The following EXD1 variants were observed in gnomAD, a reference collection of about 807,000 sequenced individuals.
EXD1 encodes the protein exonuclease 3'-5' domain containing 1.
EXD1 carries 63 observed loss-of-function variants against 49.1 expected under a neutral mutation model. The observed-to-expected ratio is 1.28, with a 90% CI of 1.05 to 1.58. The LOEUF (loss-of-function observed/expected upper bound fraction) is 1.58, where lower values mean the gene tolerates loss of function less well. Ranked by LOEUF, EXD1 falls within the 40% of genes most tolerant of loss-of-function variation. The pLI, the probability that EXD1 is intolerant of heterozygous loss-of-function variation, is 0.00. For missense variants in EXD1, 748 were observed against 666.0 expected, an observed-to-expected ratio of 1.12 and a Z score of -1.36; for synonymous variants, 234 against 239.2, an observed-to-expected ratio of 0.98 and a Z score of 0.20.
At chr15:41,190,868 G>A (rs994037242) in intron 10 of EXD1, among the ~76,000 whole-genome samples, 12 of 151,632 alleles carry the variant, frequency 7.9e-5, no homozygotes, top group African/African-American at 2.9e-4. Context: ...CCTTGTCCCA[G>A]CTAGAAAATT....
chr15:41,221,340 T>C (rs1003623081), intron 2 of EXD1, among the ~76,000 whole-genome samples: 2 of 152,188 alleles, frequency 1.3e-5, no homozygotes, highest in Non-Finnish European at 2.9e-5. Flanking sequence ...GGCACAATCC[T>C]AGCTCACTGC....
chr15:41,192,305 T>A (rs1319441232), intron 9 of EXD1: 1 of 152,414 alleles, frequency 6.6e-6, no homozygotes, highest in Non-Finnish European at 1.5e-5. Flanking sequence ...TCTTTTTTCT[T>A]TTCTTTTCCT....
chr15:41,227,675 CA>C (rs56794638), intron 1 of EXD1, among the ~76,000 whole-genome samples: 1,089 of 91,978 alleles, frequency 0.012, 6 homozygotes, highest in East Asian at 0.018. Flanking sequence ...AACACTGTCT[CA>C]AAAAAAAAAA....
At chr15:41,223,399 G>A (rs1185305389) in intron 2 of EXD1, among the ~76,000 whole-genome samples, 4 of 152,016 alleles carry the variant, frequency 2.6e-5, no homozygotes, top group Admixed American at 1.3e-4. Context: ...CAGGCTGAAT[G>A]ACAGAGCAAG....
rs2046365124 is a variant in EXD1, at chr15:41,184,105, T to C, written c.1545A>G (p.Glu515=). ...CAGCCTGTTTTGTGCATTTTAAATC[T>C]TCCTTGTTTTCCACCATCAATAACT... The part of the protein sequence containing the change: ...TEQLLMVENK[E]DLKCTKQAVS... Residue 515 remains glutamate (E), a synonymous_variant, in exon 12 of 12, where the codon GAA becomes GAG. Transcript: ENST00000458580. 6.2e-7 allele frequency: 1 copy of C among 1,614,204 alleles called. No individual in the cohort carries two copies. The highest frequency in any genetic ancestry group is 8.5e-7 in the Non-Finnish European group (1 of 1,180,038).
At chr15:41,219,964 G>T in intron 2 of EXD1, 66 bp from the exon 3 acceptor site, 1 of 1,264,292 alleles carries the variant, frequency 7.9e-7, no homozygotes, top group Non-Finnish European at 1.1e-6. Context: ...AAAATATGAT[G>T]CCTCTCAAAA....
At chr15:41,208,679 G>T (rs534540200) in intron 7 of EXD1, among the ~76,000 whole-genome samples, 2 of 152,108 alleles carry the variant, frequency 1.3e-5, no homozygotes, top group South Asian at 4.2e-4. Flanking sequence ...TTGAACCCAG[G>T]AGGCGGAGGT....
At chr15:41,220,332 G>A (rs1382378416) in intron 2 of EXD1, among the ~76,000 whole-genome samples, 1 of 151,406 alleles carries the variant, frequency 6.6e-6, no homozygotes, top group Non-Finnish European at 1.5e-5. Context: ...GTGCAGTAGC[G>A]CAATCTCGGC....
At position 41,184,536 on chromosome 15, in the gene EXD1, G is replaced by T. The variant is rs527801980; in HGVS notation, c.1114C>A (p.Arg372Ser). Residue 372 changes from arginine to serine, a missense_variant, in exon 12 of 12, where the codon CGC (arginine) becomes AGC (serine). Physicochemically the swap from Arg to Ser is moderately radical, Grantham distance 110. Coordinates refer to ENST00000458580, the MANE Select transcript of EXD1 (RefSeq NM_001286441.2). ...LLQLKDFQKQRREKAAREYRV... is the reference protein window; with the variant it reads ...LLQLKDFQKQSREKAAREYRV... ...TATTCTCTTGCAGCTTTCTCCCTGC[G>T]CTGCTTCTGGAAGTCCTTGAGTTGA... The T allele has an allele frequency of 6.2e-7, 1 of 1,611,448 alleles. No individual in the cohort carries two copies. The highest frequency in any genetic ancestry group is 8.5e-7 in the Non-Finnish European group (1 of 1,179,320).
In EXD1 at chr15:41,216,656, C is replaced by T; in HGVS notation, c.388+12G>A. On this transcript the variant is annotated intron_variant, in intron 5 of 11. Coordinates refer to ENST00000458580, the MANE Select transcript of EXD1 (RefSeq NM_001286441.2). ...CAAAAAAAAAAAGAAAATTCAGAGC[C>T]CCTATATTCACCTGATGGGCTGTAC... 6.3e-7 allele frequency: 1 copy of T among 1,598,812 alleles called. No homozygotes were observed. The highest frequency in any genetic ancestry group is 8.5e-7 in the Non-Finnish European group (1 of 1,176,552).
At chr15:41,199,968 A>G (rs963573589) in intron 7 of EXD1, among the ~76,000 whole-genome samples, 2 of 150,564 alleles carry the variant, frequency 1.3e-5, no homozygotes, top group Admixed American at 6.7e-5. Context: ...CAGTGGCACC[A>G]TATCAGCTCA....
chr15:41,204,216 C>T (rs2046784271), intron 7 of EXD1, among the ~76,000 whole-genome samples: 1 of 147,656 alleles, frequency 6.8e-6, no homozygotes, highest in Admixed American at 6.8e-5. Flanking sequence ...CCACTGCACC[C>T]CAGCCTGGGC....
rs1229611134 is a variant in EXD1 at position 41,191,586 on chromosome 15, C to T, written c.721-1G>A. The T allele has an allele frequency of 3.1e-6, 5 of 1,613,382 alleles. No homozygotes were observed. Among genetic ancestry groups the T allele is most frequent in the Non-Finnish European group, 3.4e-6 (4 of 1,179,732 alleles). ...TGGAAAACTGAAGTACATCTGCTAC[C>T]TGTGGTATTTTAAAAAGACAAACAG... On this transcript the variant is annotated splice_acceptor_variant, in intron 9 of 11. Coordinates refer to ENST00000458580, the MANE Select transcript of EXD1 (RefSeq NM_001286441.2). LOFTEE classifies it high-confidence loss of function.
At chr15:41,212,276 C>T (rs541215797) in intron 6 of EXD1, among the ~76,000 whole-genome samples, 3 of 151,778 alleles carry the variant, frequency 2.0e-5, no homozygotes, top group South Asian at 2.1e-4. Flanking sequence ...GGTGAAACCC[C>T]GTCTCTACTA....
intron 7 of EXD1, among the ~76,000 whole-genome samples, chr15:41,201,016 G>A (rs1595438295): frequency 1.3e-5 from 2 of 151,968 alleles, no homozygotes; most frequent in South Asian, 4.2e-4. Context: ...TGGGGTTACA[G>A]GTACGTGCCA....
In EXD1 at chr15:41,183,902, G is replaced by A. The variant is rs750063408; in HGVS notation, c.*29C>T. 3 of 1,538,208 alleles carry A rather than the reference G, an allele frequency of 2.0e-6. No homozygotes were observed. The highest frequency in any genetic ancestry group is 2.6e-6 in the Non-Finnish European group (3 of 1,145,172). ...TGATGGCAAAGGAAATAAGCCATCT[G>A]TATGGCCTTAAGAACAAACTGCCCA... On this transcript the variant is annotated 3_prime_UTR_variant, in exon 12 of 12. Coordinates refer to ENST00000458580, the MANE Select transcript of EXD1 (RefSeq NM_001286441.2).
intron 9 of EXD1, among the ~76,000 whole-genome samples, chr15:41,195,517 C>T (rs2140834422): frequency 6.6e-6 from 1 of 152,244 alleles, no homozygotes; most frequent in African/African-American, 2.4e-5. Context: ...CTGAATCTTG[C>T]TTCTTTGACA....
intron 2 of EXD1, among the ~76,000 whole-genome samples, chr15:41,226,122 G>A (rs1392608047): frequency 6.7e-6 from 1 of 149,790 alleles, no homozygotes; most frequent in Non-Finnish European, 1.5e-5. Context: ...AGTGGTGGCG[G>A]GTGTCTGTAG....
chr15:41,202,846 A>T (rs1595440187), intron 7 of EXD1, among the ~76,000 whole-genome samples: 1 of 147,874 alleles, frequency 6.8e-6, no homozygotes, highest in East Asian at 2.1e-4. Context: ...GGAACTCAGG[A>T]GGCAGAGTTT....
Sources: allele counts gnomAD v4.1 joint callset (sites outside exome capture counted in the v4.1 genomes callset), GRCh38; gene constraint gnomAD v4.1.1; transcripts MANE v1.5; gene names NCBI Gene and HGNC (gene_info 2026-07-23, HGNC 2026-07-21).